The following SP3 variants were observed in gnomAD, a reference collection of about 807,000 sequenced individuals.
SP3 encodes Sp3 transcription factor, also known as transcription factor Sp3.
SP3 carries 10 observed loss-of-function variants against 70.3 expected under a neutral mutation model. That is an observed-to-expected ratio of 0.14 (90% CI 0.09 to 0.24). The LOEUF (loss-of-function observed/expected upper bound fraction) is 0.24, where lower values mean the gene tolerates loss of function less well. Ranked by LOEUF, SP3 falls within the 10% of genes least tolerant of loss-of-function variation. The pLI, the probability that SP3 is intolerant of heterozygous loss-of-function variation, is 1.00. For missense variants in SP3, 825 were observed against 914.6 expected, an observed-to-expected ratio of 0.90 and a Z score of 1.26; for synonymous variants, 402 against 333.5, an observed-to-expected ratio of 1.21 and a Z score of -2.24.
intron 6 of SP3, among the ~76,000 whole-genome samples, chr2:173,910,948 C>T (rs1213748175): frequency 6.6e-6 from 1 of 152,016 alleles, no homozygotes; most frequent in Non-Finnish European, 1.5e-5. Flanking sequence ...ACCGACTCTG[C>T]AAGATTACCA....
chr2:173,901,895 T>C lies in SP3; in HGVS notation c.*8046A>G, dbSNP rs1455095514. Among the ~76,000 whole-genome samples the C allele has an allele frequency of 2.0e-5, 3 of 151,726 alleles. No homozygotes were observed. Among genetic ancestry groups the C allele is most frequent in the Non-Finnish European group, 4.4e-5 (3 of 67,946 alleles). On this transcript the variant is annotated 3_prime_UTR_variant, in exon 7 of 7. Coordinates refer to ENST00000310015, the MANE Select transcript of SP3 (RefSeq NM_003111.5). ...TTTGTACTTTTCATCACCATGTTAG[T>C]CAGGCTGCTCTCGAACTGCTGACCT... is the stretch of plus-strand genomic sequence containing the variant.
intron 4 of SP3, among the ~76,000 whole-genome samples, chr2:173,923,650 T>C (rs1388931180): frequency 6.6e-6 from 1 of 152,108 alleles, no homozygotes; most frequent in East Asian, 1.9e-4. Context: ...TGAGACATTA[T>C]CTTTTATCAA....
intron 4 of SP3, among the ~76,000 whole-genome samples, chr2:173,952,706 A>T (rs1337866745): frequency 6.6e-6 from 1 of 152,272 alleles, no homozygotes; most frequent in Non-Finnish European, 1.5e-5. Flanking sequence ...ACAGTGGAAC[A>T]GTATTCAGCC....
intron 3 of SP3, among the ~76,000 whole-genome samples, chr2:173,959,246 A>G (rs958077622): frequency 1.3e-5 from 2 of 152,024 alleles, no homozygotes; most frequent in African/African-American, 4.8e-5. Flanking sequence ...GCACAATCAA[A>G]TTTCTTTGTA....
rs932828610 is a variant in SP3, at chr2:173,904,917, C to T, written c.*5024G>A. Among the ~76,000 whole-genome samples, 1 of 152,212 alleles carries T rather than the reference C, an allele frequency of 6.6e-6. No individual in the cohort carries two copies. Among genetic ancestry groups the T allele is most frequent in the Non-Finnish European group, 1.5e-5 (1 of 68,038 alleles). On this transcript the variant is annotated 3_prime_UTR_variant, in exon 7 of 7. Coordinates refer to ENST00000310015, the MANE Select transcript of SP3 (RefSeq NM_003111.5). ...TGGCCTTTCCTAATCTTAAAAACCA[C>T]TTCAGTGCTAGACTTTATCTTTCAG...
At chr2:173,942,927 C>T (rs1690416765) in intron 4 of SP3, among the ~76,000 whole-genome samples, 1 of 152,070 alleles carries the variant, frequency 6.6e-6, no homozygotes, top group South Asian at 2.1e-4. Flanking sequence ...ATAGCATTTA[C>T]ATTATATTAG....
chr2:173,927,844 G>C (rs1689961425), intron 4 of SP3, among the ~76,000 whole-genome samples: 1 of 152,102 alleles, frequency 6.6e-6, no homozygotes, highest in Non-Finnish European at 1.5e-5. Context: ...AATTTCTCCA[G>C]AATCAATTAC....
chr2:173,933,671 T>TATAA (rs1404261157), intron 4 of SP3, among the ~76,000 whole-genome samples: 5 of 139,460 alleles, frequency 3.6e-5, no homozygotes, highest in East Asian at 2.0e-4. Context: ...TATATATATA[T>TATAA]AAAAGTTATA....
intron 4 of SP3, among the ~76,000 whole-genome samples, chr2:173,921,559 A>C (rs1689755252): frequency 6.6e-6 from 1 of 151,750 alleles, no homozygotes; most frequent in Non-Finnish European, 1.5e-5. Context: ...ACAAACAAAC[A>C]AACAGGCCAG....
At chr2:173,938,246 C>G (rs1690262914) in intron 4 of SP3, among the ~76,000 whole-genome samples, 1 of 151,970 alleles carries the variant, frequency 6.6e-6, no homozygotes, top group East Asian at 1.9e-4. Context: ...CACCTGAGGT[C>G]AGAAGTTCAA....
rs1350368560 is a variant in SP3 at position 173,906,244 on chromosome 2, A to G, written c.*3697T>C. Among the ~76,000 whole-genome samples, 1 of 152,130 alleles carries G rather than the reference A, an allele frequency of 6.6e-6. No homozygotes were observed. The highest frequency in any genetic ancestry group is 2.4e-5 in the African/African-American group (1 of 41,414). ...CTTCATGCAGAATTCTCCCTCTTCTAGGTTTCTACAGTACTTTGTTTCTGC... is the reference window on the plus strand; with the variant it reads ...CTTCATGCAGAATTCTCCCTCTTCTGGGTTTCTACAGTACTTTGTTTCTGC... On this transcript the variant is annotated 3_prime_UTR_variant, in exon 7 of 7. Transcript: ENST00000310015.
chr2:173,960,243 GTC>G lies in SP3; in HGVS notation c.279+3516_279+3517del, dbSNP rs1691024003. Among the ~76,000 whole-genome samples the G allele has an allele frequency of 2.6e-5, 4 of 152,154 alleles. No homozygotes were observed. The South Asian group carries it at 6.2e-4, about 24-fold the overall frequency. Reference sequence around the variant, plus strand: ...AAAAGTTGTAACTAAGGCACTCTAAGTCTCTCTACATACAAATATACCGGTGG... The same window carrying G: ...AAAAGTTGTAACTAAGGCACTCTAAGTCTCTACATACAAATATACCGGTGG... On this transcript the variant is annotated intron_variant, in intron 3 of 6. Transcript: ENST00000310015.
chr2:173,916,461 A>C (rs181868576), intron 5 of SP3: 2 of 152,048 alleles, frequency 1.3e-5, no homozygotes, highest in Non-Finnish European at 2.9e-5. Context: ...ACTGGGAAAA[A>C]ACATTTGCAC....
In SP3 at chr2:173,931,451, C is replaced by G. The variant is rs112373331; in HGVS notation, c.1640-12666G>C. Among the ~76,000 whole-genome samples, 173 of 152,290 alleles carry G rather than the reference C, an allele frequency of 1.1e-3. 3 individuals carry two copies. The highest frequency in any genetic ancestry group is 4.0e-3 in the African/African-American group (165 of 41,546). On this transcript the variant is annotated intron_variant, in intron 4 of 6. Coordinates refer to ENST00000310015, the MANE Select transcript of SP3 (RefSeq NM_003111.5). ...CTCCACCTCCCGGGTTCAAGCGATT[C>G]TTCTGCCTCAGCCTCCCGAGTAGCT...
chr2:173,964,736 C>G, intron 1 of SP3, 183 bp from the exon 2 acceptor site: 1 of 360,076 alleles, frequency 2.8e-6, no homozygotes, highest in Non-Finnish European at 5.0e-6. Flanking sequence ...GCTGCCCCCG[C>G]CCGCCGCTGC....
intron 2 of SP3, 99 bp from the exon 3 acceptor site, chr2:173,963,982 C>A: frequency 1.3e-6 from 1 of 764,986 alleles, no homozygotes; most frequent in Non-Finnish European, 1.9e-6. Context: ...CGGTCCCCGC[C>A]GACTGCGCCC....
At chr2:173,929,478 A>G (rs56063803) in intron 4 of SP3, among the ~76,000 whole-genome samples, 11,973 of 152,270 alleles carry the variant, frequency 0.079, 588 homozygotes, top group African/African-American at 0.13. Flanking sequence ...TATTAAAACA[A>G]GTTATCTACT....
chr2:173,938,754 G>A, intron 4 of SP3, among the ~76,000 whole-genome samples: 1 of 152,120 alleles, frequency 6.6e-6, no homozygotes, highest in East Asian at 1.9e-4. Context: ...GCTAAGTCTT[G>A]AAAGATGTCA....
rs1689190683 is a variant in SP3, at chr2:173,901,601, C to T, written c.*8340G>A. 6.6e-6 allele frequency among the ~76,000 whole-genome samples: 1 copy of T among 150,396 alleles called. No individual in the cohort carries two copies. The highest frequency in any genetic ancestry group is 1.5e-5 in the Non-Finnish European group (1 of 67,584). ...AATTAGAATTAAAGTCATGAGTTAT[C>T]ATTTCACATCCATCAACCCATCATG... On this transcript the variant is annotated 3_prime_UTR_variant, in exon 7 of 7. Transcript: ENST00000310015.
Sources: gnomAD v4.1 joint callset for allele counts (sites outside exome capture counted in the v4.1 genomes callset) on GRCh38, gnomAD v4.1.1 for gene constraint, MANE v1.5 for transcripts, NCBI Gene and HGNC (gene_info 2026-07-23, HGNC 2026-07-21) for gene names.